The following DLG2 variants were observed in gnomAD, a reference collection of about 807,000 sequenced individuals.
DLG2 encodes discs large MAGUK scaffold protein 2, also known as disks large homolog 2.
Under a neutral mutation model 132.5 loss-of-function variants are expected in DLG2, and 45 were observed. The observed-to-expected ratio is 0.34, with a 90% CI of 0.27 to 0.44. DLG2 has a LOEUF of 0.44. DLG2 is among the 20% of genes least tolerant of loss of function. The pLI, the probability that DLG2 is intolerant of heterozygous loss-of-function variation, is 1.00. For synonymous variants in DLG2, 424 were observed against 419.6 expected (o/e 1.01, Z -0.13); for missense variants, 1,045 against 1,196.9 (o/e 0.87, Z 1.87).
chr11:84,171,825 G>A (rs2095830724), intron 8 of DLG2, among the ~76,000 whole-genome samples: 1 of 152,132 alleles, frequency 6.6e-6, no homozygotes, highest in Admixed American at 6.6e-5. Context: ...CCACCAGAAT[G>A]TAAGCTCTAA....
At chr11:84,657,330 C>CTGTCCT (rs1426956176) in intron 6 of DLG2, among the ~76,000 whole-genome samples, 2 of 152,082 alleles carry the variant, frequency 1.3e-5, no homozygotes, top group South Asian at 4.2e-4. Flanking sequence ...GATGGAATGA[C>CTGTCCT]TACAGACAGA....
intron 18 of DLG2, among the ~76,000 whole-genome samples, chr11:83,694,077 C>G (rs1304289413): frequency 6.6e-6 from 1 of 152,140 alleles, no homozygotes; most frequent in Admixed American, 6.6e-5. Flanking sequence ...TATTATTGGT[C>G]CACTTGAGAG....
chr11:83,794,835 A>G (rs2042400040), intron 17 of DLG2, among the ~76,000 whole-genome samples: 1 of 152,140 alleles, frequency 6.6e-6, no homozygotes, highest in African/African-American at 2.4e-5. Context: ...CTGTAATTTA[A>G]TATCCTGTCT....
chr11:83,965,647 T>C (rs776908578), intron 12 of DLG2, among the ~76,000 whole-genome samples, 179 bp from the exon 13 acceptor site: 3 of 151,952 alleles, frequency 2.0e-5, no homozygotes, highest in African/African-American at 7.2e-5. Flanking sequence ...TTCTATAAAA[T>C]AAGGTTGCTT....
chr11:85,079,484 ATTTTTTT>A (rs35913627), intron 6 of DLG2, among the ~76,000 whole-genome samples: 8 of 137,668 alleles, frequency 5.8e-5, no homozygotes, highest in African/African-American at 1.6e-4. Context: ...GAGGCTTAGA[ATTTTTTT>A]TTTTTTTTTT....
intron 6 of DLG2, among the ~76,000 whole-genome samples, chr11:84,972,561 T>C (rs1258221650): frequency 6.6e-6 from 1 of 152,220 alleles, no homozygotes; most frequent in African/African-American, 2.4e-5. Context: ...TAAAGCGAAA[T>C]GGTGCAACTT....
chr11:85,406,533 C>A (rs565235412), intron 3 of DLG2, among the ~76,000 whole-genome samples: 55 of 151,760 alleles, frequency 3.6e-4, no homozygotes, highest in African/African-American at 1.3e-3. Flanking sequence ...GACAGAAGAC[C>A]CAATTACAAC....
intron 7 of DLG2, among the ~76,000 whole-genome samples, chr11:84,406,568 G>A (rs961584461): frequency 6.6e-6 from 1 of 152,164 alleles, no homozygotes; most frequent in Non-Finnish European, 1.5e-5. Flanking sequence ...TTGAACTCTT[G>A]GGCTAAAGGA....
chr11:83,761,399 T>C (rs1336983067), intron 18 of DLG2, among the ~76,000 whole-genome samples: 1 of 152,260 alleles, frequency 6.6e-6, no homozygotes, highest in African/African-American at 2.4e-5. Flanking sequence ...TAGTGGTTCC[T>C]TGCCAGTCTG....
intron 7 of DLG2, among the ~76,000 whole-genome samples, chr11:84,274,949 C>T (rs2097770414): frequency 6.6e-6 from 1 of 152,182 alleles, no homozygotes; most frequent in African/African-American, 2.4e-5. Flanking sequence ...CTTCTCCATG[C>T]ATTGTCGACC....
At chr11:84,741,836 G>A (rs2064720771) in intron 6 of DLG2, among the ~76,000 whole-genome samples, 2 of 152,056 alleles carry the variant, frequency 1.3e-5, no homozygotes, top group African/African-American at 4.8e-5. Context: ...TATATAAAAT[G>A]AAGTACCAGA....
chr11:85,536,569 G>A (rs1010067632), intron 3 of DLG2, among the ~76,000 whole-genome samples: 1 of 152,250 alleles, frequency 6.6e-6, no homozygotes, highest in African/African-American at 2.4e-5. Flanking sequence ...GCCCCTCTCT[G>A]GGGCTGGTTG....
intron 7 of DLG2, among the ~76,000 whole-genome samples, chr11:84,340,686 G>A (rs61899215): frequency 0.025 from 3,864 of 152,152 alleles, 90 homozygotes; most frequent in Middle Eastern, 0.048. Context: ...CTCTAATGTC[G>A]GCACTCTTCT....
Position 84,310,202 on chromosome 11 carries a change from C to G in DLG2, c.520-58911G>C, listed in dbSNP as rs143090539. 4.2e-3 allele frequency among the ~76,000 whole-genome samples: 644 copies of G among 152,232 alleles called. 2 individuals are homozygous for G. Among genetic ancestry groups the G allele is most frequent in the Admixed American group, 6.8e-3 (104 of 15,290 alleles). ...GAGGTCTCCTTAGGGTATTTTACCT[C>G]CCAGCATACTTCAAAAGGTCTTATT... On this transcript the variant is annotated intron_variant, in intron 7 of 27. Transcript: ENST00000376104.
chr11:83,691,988 C>T (rs1010210921), intron 18 of DLG2: 13 of 152,196 alleles, frequency 8.5e-5, no homozygotes, highest in African/African-American at 2.9e-4. Flanking sequence ...GACTCCTCCC[C>T]GCAAACAGGA....
intron 6 of DLG2, among the ~76,000 whole-genome samples, chr11:84,878,018 T>C (rs1316990202): frequency 6.6e-6 from 1 of 152,132 alleles, no homozygotes; most frequent in African/African-American, 2.4e-5. Flanking sequence ...TGAGATACCA[T>C]CTCATGCCAG....
At chr11:84,883,333 T>C (rs537761260) in intron 6 of DLG2, among the ~76,000 whole-genome samples, 136 of 152,022 alleles carry the variant, frequency 8.9e-4, no homozygotes, top group African/African-American at 3.2e-3. Flanking sequence ...AGGGGAGGGA[T>C]AGCATTAAGA....
chr11:84,975,493 GAGAA>G (rs2054768539), intron 6 of DLG2, among the ~76,000 whole-genome samples: 2 of 152,166 alleles, frequency 1.3e-5, no homozygotes, highest in Admixed American at 1.3e-4. Flanking sequence ...TTGTGATCAT[GAGAA>G]ATACAACAAA....
chr11:85,622,366 T>A (rs1268209287), intron 2 of DLG2, among the ~76,000 whole-genome samples: 1 of 152,066 alleles, frequency 6.6e-6, no homozygotes, highest in Admixed American at 6.5e-5. Flanking sequence ...ATTTCAGTGG[T>A]CTGGAACCTA....
Sources: allele counts gnomAD v4.1 joint callset (sites outside exome capture counted in the v4.1 genomes callset), GRCh38; gene constraint gnomAD v4.1.1; transcripts MANE v1.5; gene names NCBI Gene and HGNC (gene_info 2026-07-23, HGNC 2026-07-21).